The following MCTP2 variants were observed in gnomAD, a reference collection of about 807,000 sequenced individuals.
MCTP2 encodes multiple C2 and transmembrane domain containing 2.
Under a neutral mutation model 111.6 loss-of-function variants are expected in MCTP2, and 132 were observed. The observed-to-expected ratio is 1.18, with a 90% CI of 1.03 to 1.37. The LOEUF is 1.37. Among genes scored for constraint, MCTP2 ranks in the 40% most tolerant of loss-of-function variants. MCTP2 has a pLI of 0.00. For synonymous variants in MCTP2, 395 were observed against 387.7 expected (o/e 1.02, Z -0.22); for missense variants, 1,183 against 1,067.9 (o/e 1.11, Z -1.50).
In MCTP2 at chr15:94,251,933, A is replaced by G. The variant is rs115046332; in HGVS notation, c.-66+20269A>G. On this transcript the variant is annotated intron_variant, in intron 1 of 22. Coordinates refer to ENST00000357742, the MANE Select transcript of MCTP2 (RefSeq NM_001385001.1). ...TTATTTCCCGTAGCATAATGTCCTC[A>G]AGGTTCATCCACGTCCTAGCAATTG... Among the ~76,000 whole-genome samples the G allele has an allele frequency of 4.9e-3, 743 of 152,320 alleles. 9 individuals carry two copies. The highest frequency in any genetic ancestry group is 0.017 in the African/African-American group (708 of 41,548).
chr15:94,447,904 G>A (rs1208969690), intron 19 of MCTP2, among the ~76,000 whole-genome samples: 1 of 152,178 alleles, frequency 6.6e-6, no homozygotes, highest in Non-Finnish European at 1.5e-5. Flanking sequence ...CCTGCTTATG[G>A]CTAACTTTCA....
chr15:94,311,341 A>G (rs913630305), intron 2 of MCTP2, among the ~76,000 whole-genome samples: 1 of 152,122 alleles, frequency 6.6e-6, no homozygotes, highest in Non-Finnish European at 1.5e-5. Context: ...AACATTTTTT[A>G]AAAATCTCGT....
intron 17 of MCTP2, among the ~76,000 whole-genome samples, chr15:94,431,608 T>G (rs2083186726): frequency 6.6e-6 from 1 of 152,236 alleles, no homozygotes; most frequent in African/African-American, 2.4e-5. Context: ...AGTTACAACT[T>G]CTTGAGAAGG....
At chr15:94,266,148 C>G (rs1385219000) in intron 1 of MCTP2, among the ~76,000 whole-genome samples, 1 of 152,114 alleles carries the variant, frequency 6.6e-6, no homozygotes, top group Admixed American at 6.5e-5. Flanking sequence ...AGTGTGTGGC[C>G]TGGGGTCTGT....
chr15:94,451,411 C>T (rs1238218077), intron 19 of MCTP2, among the ~76,000 whole-genome samples: 3 of 152,192 alleles, frequency 2.0e-5, no homozygotes, highest in Non-Finnish European at 4.4e-5. Flanking sequence ...ATTTATGCCT[C>T]CACATTTTTT....
chr15:94,410,520 A>G (rs1228234416), intron 17 of MCTP2, among the ~76,000 whole-genome samples: 1 of 152,162 alleles, frequency 6.6e-6, no homozygotes, highest in Non-Finnish European at 1.5e-5. Flanking sequence ...AGCCTGGGCA[A>G]CAGAGTGAGA....
At chr15:94,423,428 T>C (rs192413004) in intron 17 of MCTP2, among the ~76,000 whole-genome samples, 1 of 152,336 alleles carries the variant, frequency 6.6e-6, no homozygotes, top group Admixed American at 6.5e-5. Context: ...GAAAATTTAA[T>C]TGCTTTAAAA....
At chr15:94,427,027 T>G (rs540549407) in intron 17 of MCTP2, among the ~76,000 whole-genome samples, 2 of 152,304 alleles carry the variant, frequency 1.3e-5, no homozygotes, top group East Asian at 3.9e-4. Context: ...GCAGCCACTT[T>G]CTGCTTGGTC....
intron 4 of MCTP2, among the ~76,000 whole-genome samples, chr15:94,329,283 TA>T (rs1312210505): frequency 2.0e-5 from 3 of 152,156 alleles, no homozygotes; most frequent in African/African-American, 4.8e-5. Context: ...CCTCATCCTT[TA>T]AAAAAAATTT....
chr15:94,304,677 T>C (rs1450863537), intron 2 of MCTP2, among the ~76,000 whole-genome samples: 1 of 152,190 alleles, frequency 6.6e-6, no homozygotes, highest in East Asian at 1.9e-4. Flanking sequence ...ATTGGCACAC[T>C]GCAGGGAGAA....
At chr15:94,371,386 A>C (rs1197811083) in intron 12 of MCTP2, among the ~76,000 whole-genome samples, 1 of 152,214 alleles carries the variant, frequency 6.6e-6, no homozygotes, top group Non-Finnish European at 1.5e-5. Context: ...AACATTTCAC[A>C]TGTGCCTTTG....
At chr15:94,476,133 G>C (rs1223381201) in intron 21 of MCTP2, among the ~76,000 whole-genome samples, 1 of 152,172 alleles carries the variant, frequency 6.6e-6, no homozygotes, top group African/African-American at 2.4e-5. Flanking sequence ...AAATGAGTTG[G>C]AGGTGGGGAA....
rs572901594 is a variant in MCTP2, at chr15:94,323,196, A to G, written c.637+7559A>G. Among the ~76,000 whole-genome samples, 25 of 152,352 alleles carry G rather than the reference A, an allele frequency of 1.6e-4. 2 individuals are homozygous for G. In the South Asian group the frequency reaches 5.2e-3, roughly 32 times the overall value. ...TAATTGTTCTTTAGAAAGACTCACA[A>G]GGAAGTCTGGCTTCAGAACAATGGG... On this transcript the variant is annotated intron_variant, in intron 4 of 22. Transcript: ENST00000357742.
At position 94,290,383 on chromosome 15, in the gene MCTP2, G is replaced by A. The variant is rs570207474; in HGVS notation, c.-65-7818G>A. ...ATGTGGAAAGTTAACTATACATACC[G>A]TAACCCCTAGAATAATCACTGAAAG... On this transcript the variant is annotated intron_variant, in intron 1 of 22. Coordinates refer to ENST00000357742, the MANE Select transcript of MCTP2 (RefSeq NM_001385001.1). 5.3e-5 allele frequency among the ~76,000 whole-genome samples: 8 copies of A among 152,196 alleles called. No individual in the cohort carries two copies. The South Asian group carries it at 6.2e-4, about 12-fold the overall frequency.
At chr15:94,441,742 A>T (rs1418053103) in intron 18 of MCTP2, among the ~76,000 whole-genome samples, 1 of 152,242 alleles carries the variant, frequency 6.6e-6, no homozygotes, top group Non-Finnish European at 1.5e-5. Context: ...AAAGTCACAA[A>T]GCAAAAACTA....
chr15:94,380,850 G>T (rs1299098691), intron 12 of MCTP2, among the ~76,000 whole-genome samples: 1 of 151,450 alleles, frequency 6.6e-6, no homozygotes, highest in African/African-American at 2.4e-5. Flanking sequence ...TTCTATAATT[G>T]ATACAAAGGT....
chr15:94,401,236 G>A (rs894831022), intron 16 of MCTP2, among the ~76,000 whole-genome samples: 1 of 152,112 alleles, frequency 6.6e-6, no homozygotes, highest in African/African-American at 2.4e-5. Flanking sequence ...TGATAAACTG[G>A]AAACGTTTCC....
At chr15:94,404,160 T>C (rs1596602478) in intron 17 of MCTP2, among the ~76,000 whole-genome samples, 1 of 152,118 alleles carries the variant, frequency 6.6e-6, no homozygotes, top group African/African-American at 2.4e-5. Flanking sequence ...GTTGATGAAG[T>C]GTAATTTTAT....
chr15:94,252,992 G>A (rs768806809), intron 1 of MCTP2, among the ~76,000 whole-genome samples: 1 of 151,924 alleles, frequency 6.6e-6, no homozygotes, highest in Non-Finnish European at 1.5e-5. Flanking sequence ...CTGTGTCCCC[G>A]AGGTGTCTGC....
Sources: allele counts gnomAD v4.1 joint callset (sites outside exome capture counted in the v4.1 genomes callset), GRCh38; gene constraint gnomAD v4.1.1; transcripts MANE v1.5; gene names NCBI Gene and HGNC (gene_info 2026-07-23, HGNC 2026-07-21).